The following ATP2B2 variants were observed in gnomAD, a reference collection of about 807,000 sequenced individuals.
ATP2B2 encodes the protein plasma membrane calcium-transporting ATPase 2.
ATP2B2 carries 15 observed loss-of-function variants against 120.0 expected under a neutral mutation model. That is an observed-to-expected ratio of 0.12 (90% CI 0.08 to 0.19). ATP2B2 has a LOEUF of 0.19. ATP2B2 is among the 10% of genes least tolerant of loss of function. ATP2B2 has a pLI of 1.00. For missense variants in ATP2B2, 1,045 were observed against 1,719.8 expected (o/e 0.61, Z 6.94); for synonymous variants, 694 against 700.3 (o/e 0.99, Z 0.14).
chr3:10,512,957 G>A (rs1178750440), intron 3 of ATP2B2, among the ~76,000 whole-genome samples: 2 of 152,228 alleles, frequency 1.3e-5, no homozygotes, highest in East Asian at 3.8e-4. Context: ...ACGATGCCAT[G>A]TGCTTCCTGC....
intron 22 of ATP2B2, chr3:10,331,983 C>T (rs763569481): frequency 2.6e-5 from 40 of 1,549,972 alleles, no homozygotes; most frequent in Non-Finnish European, 3.4e-5. Flanking sequence ...GACTCACAAC[C>T]TCTTTTAATT....
At chr3:10,628,528 C>T (rs1360580264) in intron 1 of ATP2B2, among the ~76,000 whole-genome samples, 2 of 152,246 alleles carry the variant, frequency 1.3e-5, no homozygotes, top group African/African-American at 2.4e-5. Flanking sequence ...GCCCTACACC[C>T]GGAGGCAGGC....
At chr3:10,538,354 G>T (rs867687618) in intron 2 of ATP2B2, among the ~76,000 whole-genome samples, 3 of 152,118 alleles carry the variant, frequency 2.0e-5, no homozygotes, top group African/African-American at 7.2e-5. Context: ...GAAAAAGAGG[G>T]AATCCTCCCT....
intron 1 of ATP2B2, among the ~76,000 whole-genome samples, chr3:10,653,584 G>A (rs553230191): frequency 8.5e-5 from 13 of 152,264 alleles, no homozygotes; most frequent in African/African-American, 2.9e-4. Flanking sequence ...GTAAATATGT[G>A]CACCTTAGTC....
intron 1 of ATP2B2, among the ~76,000 whole-genome samples, chr3:10,690,674 C>T (rs1051192290): frequency 4.6e-5 from 7 of 152,102 alleles, no homozygotes; most frequent in South Asian, 2.1e-4. Flanking sequence ...GTGGCTGAGC[C>T]GTGCAGGGTT....
intron 2 of ATP2B2, among the ~76,000 whole-genome samples, chr3:10,538,471 C>T (rs1029995883): frequency 2.0e-5 from 3 of 152,004 alleles, no homozygotes; most frequent in East Asian, 1.9e-4. Context: ...GATGCAAAAA[C>T]CCTCAATAAA....
chr3:10,436,228 T>A (rs1250374962), intron 2 of ATP2B2, among the ~76,000 whole-genome samples: 2 of 152,370 alleles, frequency 1.3e-5, no homozygotes, highest in South Asian at 4.1e-4. Flanking sequence ...CCTACAATTA[T>A]ATAAATTATA....
Position 10,328,233 on chromosome 3 carries a change from T to C in ATP2B2, c.*581A>G, listed in dbSNP as rs982551709. On this transcript the variant is annotated 3_prime_UTR_variant, in exon 23 of 23. Transcript: ENST00000360273. ...TATAACCTTGTGAGTGTCTATGAAG[T>C]TCTTCGGTTCCATTGGTGCAAATCT... is the stretch of plus-strand genomic sequence containing the variant. 6.5e-6 allele frequency: 1 copy of C among 153,422 alleles called. No homozygotes were observed. Among genetic ancestry groups the C allele is most frequent in the Admixed American group, 6.5e-5 (1 of 15,400 alleles). 9.5% of individuals were successfully genotyped at this position (153,422 alleles called of 1,614,324 possible).
upstream of ATP2B2, among the ~76,000 whole-genome samples, chr3:10,508,550 G>A (rs1214175527): frequency 1.3e-5 from 2 of 152,178 alleles, no homozygotes; most frequent in African/African-American, 4.8e-5. Flanking sequence ...CCATTTTACA[G>A]TTCAGCAAAC....
intron 1 of ATP2B2, among the ~76,000 whole-genome samples, chr3:10,478,969 G>T (rs2065301786): frequency 6.6e-6 from 1 of 152,120 alleles, no homozygotes; most frequent in Non-Finnish European, 1.5e-5. Context: ...TTCCCCCTTT[G>T]GGCGCTCTCT....
intron 22 of ATP2B2, among the ~76,000 whole-genome samples, chr3:10,334,131 C>T (rs1268838160): frequency 2.6e-5 from 4 of 152,190 alleles, no homozygotes; most frequent in South Asian, 2.1e-4. Context: ...GGGGCTGACT[C>T]GGGGACGACT....
chr3:10,479,714 G>A (rs574881764), intron 1 of ATP2B2, among the ~76,000 whole-genome samples: 1 of 152,152 alleles, frequency 6.6e-6, no homozygotes, highest in Non-Finnish European at 1.5e-5. Flanking sequence ...GGGCCTAGCA[G>A]TGTCTAGCAC....
intron 3 of ATP2B2, among the ~76,000 whole-genome samples, chr3:10,529,289 G>A (rs975347783): frequency 2.6e-5 from 4 of 152,142 alleles, no homozygotes; most frequent in African/African-American, 9.6e-5. Context: ...CGATCTTCCT[G>A]GTACTCCCCT....
At chr3:10,587,867 G>T (rs1360261419) in intron 2 of ATP2B2, among the ~76,000 whole-genome samples, 2 of 152,108 alleles carry the variant, frequency 1.3e-5, no homozygotes, top group Non-Finnish European at 2.9e-5. Context: ...TTTGGTTGCT[G>T]TATATACTCA....
At chr3:10,512,501 C>CACACACAG (rs2066791860) in intron 3 of ATP2B2, among the ~76,000 whole-genome samples, 1 of 150,740 alleles carries the variant, frequency 6.6e-6, no homozygotes, top group African/African-American at 2.5e-5. Context: ...CACACACACA[C>CACACACAG]ACACACACAC....
chr3:10,569,021 G>A (rs951527526), intron 2 of ATP2B2, among the ~76,000 whole-genome samples: 2 of 152,172 alleles, frequency 1.3e-5, no homozygotes, highest in Non-Finnish European at 2.9e-5. Flanking sequence ...TCCCCATCTC[G>A]ATGGATCCTC....
intron 2 of ATP2B2, among the ~76,000 whole-genome samples, chr3:10,599,216 A>G (rs2068840396): frequency 6.6e-6 from 1 of 152,210 alleles, no homozygotes; most frequent in African/African-American, 2.4e-5. Context: ...CGGCCTTCAG[A>G]ACAAAATCTG....
intron 1 of ATP2B2, among the ~76,000 whole-genome samples, chr3:10,670,231 T>C (rs558685330): frequency 6.6e-6 from 1 of 152,372 alleles, no homozygotes; most frequent in African/African-American, 2.4e-5. Context: ...TGGAGGATGC[T>C]GCTTGACTTC....
At chr3:10,440,918 A>C (rs1423551091) in intron 2 of ATP2B2, among the ~76,000 whole-genome samples, 5 of 152,190 alleles carry the variant, frequency 3.3e-5, no homozygotes, top group African/African-American at 1.2e-4. Context: ...TGATGTGAAG[A>C]TTATAGGAGA....
Sources: gnomAD v4.1 joint callset for allele counts (sites outside exome capture counted in the v4.1 genomes callset) on GRCh38, gnomAD v4.1.1 for gene constraint, MANE v1.5 for transcripts, NCBI Gene and HGNC (gene_info 2026-07-23, HGNC 2026-07-21) for gene names.